Variants in UBR3 observed in about 807,000 individuals in gnomAD.
UBR3 encodes the protein ubiquitin protein ligase E3 component n-recognin 3, also known as E3 ubiquitin-protein ligase UBR3.
Under a neutral mutation model 243.2 loss-of-function variants are expected in UBR3, and 85 were observed. The ratio of observed to expected loss-of-function variants is 0.35; its 90% CI spans 0.29 to 0.42. The LOEUF (loss-of-function observed/expected upper bound fraction) is 0.42. Among genes scored for constraint, UBR3 ranks in the 10% least tolerant of loss-of-function variants. UBR3 has a pLI of 1.00. For synonymous variants in UBR3, 748 were observed against 799.8 expected, an observed-to-expected ratio of 0.94 and a Z score of 1.09; for missense variants, 1,686 against 2,300.8, an observed-to-expected ratio of 0.73 and a Z score of 5.47.
intron 8 of UBR3, 58 bp from the exon 9 acceptor site, chr2:169,905,056 G>T: frequency 7.3e-7 from 1 of 1,364,756 alleles, no homozygotes; most frequent in Non-Finnish European, 9.6e-7. Context: ...CTGTATTATT[G>T]GTTAAGCTTT....
intron 29 of UBR3, chr2:170,015,066 G>T: frequency 2.5e-6 from 1 of 400,320 alleles, no homozygotes; most frequent in Non-Finnish European, 4.5e-6. Context: ...TTTTGCAGGT[G>T]TAAATATGAA....
intron 19 of UBR3, among the ~76,000 whole-genome samples, chr2:169,933,838 C>T (rs1029497567): frequency 6.6e-6 from 1 of 151,854 alleles, no homozygotes; most frequent in African/African-American, 2.4e-5. Flanking sequence ...AATTTTAATT[C>T]ACTTCCTCCC....
In UBR3 at chr2:170,082,107, C is replaced by T. The variant is rs2091917581; in HGVS notation, c.*264C>T. 1 of 277,972 alleles carries T rather than the reference C, an allele frequency of 3.6e-6. No individual in the cohort carries two copies. The highest frequency in any genetic ancestry group is 5.2e-5 in the Admixed American group (1 of 19,290). 17.2% of individuals were successfully genotyped at this position (277,972 alleles called of 1,614,324 possible). On this transcript the variant is annotated 3_prime_UTR_variant, in exon 39 of 39. Coordinates refer to ENST00000272793, the MANE Select transcript of UBR3 (RefSeq NM_172070.4). ...AGTGCACAATTAATAAGAAGCACAA[C>T]TTGTTCACAAACTCATTCAGAAATG...
At chr2:169,937,235 A>G (rs879832869) in intron 19 of UBR3, among the ~76,000 whole-genome samples, 5 of 152,052 alleles carry the variant, frequency 3.3e-5, no homozygotes, top group Admixed American at 1.3e-4. Flanking sequence ...TGTGGTTTTG[A>G]TTTGCATTTC....
At chr2:169,958,317 C>G in intron 23 of UBR3, 121 bp from the exon 24 acceptor site, 1 of 720,586 alleles carries the variant, frequency 1.4e-6, no homozygotes, top group Non-Finnish European at 2.2e-6. Flanking sequence ...ATACATAATA[C>G]AGAAAATAGA....
chr2:169,888,109 C>CTTTA (rs139609742), intron 5 of UBR3, among the ~76,000 whole-genome samples: 31,552 of 138,350 alleles, frequency 0.23, 3,727 homozygotes, highest in East Asian at 0.26. Flanking sequence ...TGTGTTATGA[C>CTTTA]TTTATTTATT....
chr2:169,873,261 A>T (rs2083489415), intron 2 of UBR3, among the ~76,000 whole-genome samples: 1 of 152,034 alleles, frequency 6.6e-6, no homozygotes. Context: ...CATTTCTAAA[A>T]CTGTCTTGTT....
intron 11 of UBR3, among the ~76,000 whole-genome samples, chr2:169,915,258 G>C (rs183153097): frequency 7.8e-4 from 117 of 150,938 alleles, no homozygotes; most frequent in African/African-American, 2.7e-3. Context: ...TTTTGAGACA[G>C]AGTCTCACTC....
At chr2:169,976,180 T>G (rs1352245174) in intron 24 of UBR3, among the ~76,000 whole-genome samples, 1 of 152,104 alleles carries the variant, frequency 6.6e-6, no homozygotes, top group Non-Finnish European at 1.5e-5. Context: ...ACATTCAAGT[T>G]TATTATTGAT....
intron 16 of UBR3, 114 bp from the exon 17 acceptor site, chr2:169,927,204 CTT>C: frequency 9.3e-7 from 1 of 1,071,902 alleles, no homozygotes; most frequent in South Asian, 1.7e-5. Flanking sequence ...CTTCTTTACT[CTT>C]TAATTTGAAG....
At chr2:169,896,212 G>T (rs867097108) in intron 7 of UBR3, among the ~76,000 whole-genome samples, 4 of 152,052 alleles carry the variant, frequency 2.6e-5, no homozygotes, top group African/African-American at 9.7e-5. Context: ...TGCTTGAACT[G>T]GGGAGGCGGA....
intron 24 of UBR3, among the ~76,000 whole-genome samples, chr2:169,980,367 A>G (rs1454004870): frequency 1.3e-5 from 2 of 152,218 alleles, no homozygotes; most frequent in African/African-American, 2.4e-5. Context: ...TGCATGAGTT[A>G]GTGTACAGAC....
At chr2:169,932,037 A>G (rs1252107450) in intron 18 of UBR3, among the ~76,000 whole-genome samples, 3 of 151,932 alleles carry the variant, frequency 2.0e-5, no homozygotes, top group African/African-American at 7.3e-5. Flanking sequence ...AACAAAAAAG[A>G]CTTATAAAGT....
chr2:169,829,812 AGT>A lies in UBR3; in HGVS notation c.545+1761_545+1762del, dbSNP rs1218031735. ...GAATAGGTAAAATATATAGCTAAAA[AGT>A]ACACACACACACACACACACACACA... On this transcript the variant is annotated intron_variant, in intron 1 of 38. Coordinates refer to ENST00000272793, the MANE Select transcript of UBR3 (RefSeq NM_172070.4). Among the ~76,000 whole-genome samples the A allele has an allele frequency of 1.4e-3, 176 of 128,900 alleles. 2 individuals are homozygous for A. In the South Asian group the frequency reaches 0.017, roughly 12 times the overall value. 84.6% of individuals were successfully genotyped at this position (128,900 alleles called of 152,430 possible).
chr2:169,994,306 T>G lies in UBR3; in HGVS notation c.3785-17T>G. On this transcript the variant is annotated splice_polypyrimidine_tract_variant and intron_variant, in intron 25 of 38. Transcript: ENST00000272793. ...ACTGATTATTTTTGATTAATGAGCT[T>G]TTATCTGTTAATGTAGTTTTGGGGC... The G allele has an allele frequency of 3.7e-6, 6 of 1,613,560 alleles. No homozygotes were observed. The highest frequency in any genetic ancestry group is 5.1e-6 in the Non-Finnish European group (6 of 1,179,608).
At chr2:169,957,727 G>A (rs1204424737) in intron 23 of UBR3, among the ~76,000 whole-genome samples, 5 of 151,596 alleles carry the variant, frequency 3.3e-5, no homozygotes, top group South Asian at 4.2e-4. Context: ...AAAATTAGCC[G>A]TTAAGCTACA....
chr2:169,932,374 A>AG (rs1429831310), intron 18 of UBR3, among the ~76,000 whole-genome samples: 1 of 152,058 alleles, frequency 6.6e-6, no homozygotes, highest in Admixed American at 6.6e-5. Flanking sequence ...CACCGTGTCC[A>AG]GCCTCATTAA....
chr2:169,882,538 T>C (rs13025602), intron 5 of UBR3, among the ~76,000 whole-genome samples: 147,416 of 150,788 alleles, frequency 0.98, 72,135 homozygotes, highest in Non-Finnish European at 1. Context: ...GTCAGGAGTT[T>C]GACACCAGCC....
At chr2:169,901,059 G>A (rs1347963634) in intron 8 of UBR3, among the ~76,000 whole-genome samples, 1 of 152,136 alleles carries the variant, frequency 6.6e-6, no homozygotes, top group East Asian at 1.9e-4. Context: ...ATTTTCAGTA[G>A]CATTTCACAC....
Sources: gnomAD v4.1 joint callset for allele counts (sites outside exome capture counted in the v4.1 genomes callset) on GRCh38, gnomAD v4.1.1 for gene constraint, MANE v1.5 for transcripts, NCBI Gene and HGNC (gene_info 2026-07-23, HGNC 2026-07-21) for gene names.